The following KCTD19 variants were observed in gnomAD, a reference collection of about 807,000 sequenced individuals.
The protein encoded by KCTD19 is potassium channel tetramerization domain containing 19, also known as BTB/POZ domain-containing protein KCTD19.
In KCTD19, 67 loss-of-function variants were observed where a neutral mutation model predicts 103.5. The observed-to-expected ratio is 0.65, with a 90% CI of 0.53 to 0.79. KCTD19 has a LOEUF of 0.79. Among genes scored for constraint, KCTD19 ranks in the 30% least tolerant of loss-of-function variants. The probability of loss-of-function intolerance (pLI) is 0.00; values close to 1 mark genes in which losing one functional copy is unlikely to be tolerated. For missense variants in KCTD19, 980 were observed against 1,136.1 expected, an observed-to-expected ratio of 0.86 and a Z score of 1.98; for synonymous variants, 439 against 452.2, an observed-to-expected ratio of 0.97 and a Z score of 0.37.
intron 2 of KCTD19, among the ~76,000 whole-genome samples, chr16:67,311,552 C>T (rs1386999914): frequency 4.6e-5 from 7 of 152,124 alleles, no homozygotes; most frequent in Non-Finnish European, 1.5e-5. Flanking sequence ...ATCCACCTGC[C>T]TCAGCCTCCC....
chr16:67,291,238 C>A, intron 14 of KCTD19, 71 bp downstream of exon 14: 1 of 1,549,754 alleles, frequency 6.5e-7, no homozygotes, highest in Non-Finnish European at 8.8e-7. Context: ...CCTTGCACCA[C>A]TTATTGTGGG....
Position 67,291,442 on chromosome 16 carries a change from G to A in KCTD19, c.2432C>T (p.Ser811Phe), listed in dbSNP as rs772849200. Reference sequence around the variant, plus strand: ...ATAAAACATCTCTTCCCAGGACAGAGAGAAACTCAGGAAAGTCACTTCTGT... The same window carrying A: ...ATAAAACATCTCTTCCCAGGACAGAAAGAAACTCAGGAAAGTCACTTCTGT... ...QPQEVTFLSF[S>F]LSWEEMFYAQ... The change falls in exon 14 of 16, where the codon TCT (serine) becomes TTT (phenylalanine). Residue 811 changes from serine (S) to phenylalanine (F), a missense_variant. Physicochemically the swap from Ser to Phe is radical, Grantham distance 155. Transcript: ENST00000304372. The A allele has an allele frequency of 3.1e-6, 5 of 1,614,080 alleles. No homozygotes were observed. Among genetic ancestry groups the A allele is most frequent in the Non-Finnish European group, 3.4e-6 (4 of 1,179,952 alleles).
chr16:67,291,544 T>TA, intron 13 of KCTD19, 81 bp from the exon 14 acceptor site: 1 of 1,406,546 alleles, frequency 7.1e-7, no homozygotes. Flanking sequence ...GGGAGAGGGG[T>TA]AGGGCCCCCA....
At position 67,300,934 on chromosome 16, in the gene KCTD19, A is replaced by G. The variant is rs952974236; in HGVS notation, c.775+857T>C. On this transcript the variant is annotated intron_variant, in intron 5 of 15. Transcript: ENST00000304372. This position sits in a 1 kb window ranked among gnomAD's most constrained non-coding sequence, Gnocchi z 4.5. ...GCTGAGATTACAGGCATCAGCCACC[A>G]GCGCCTGGCCAAGAGGATGGGTTTC... is the stretch of plus-strand genomic sequence containing the variant. 1 of 152,264 alleles carries G rather than the reference A, an allele frequency of 6.6e-6. No homozygotes were observed. Among genetic ancestry groups the G allele is most frequent in the Non-Finnish European group, 1.5e-5 (1 of 68,068 alleles). The allele number at this position is 152,264 out of a possible 1,614,324, so 9.4% of individuals were successfully genotyped here. A position where few individuals can be genotyped will look rare whatever the true frequency, so the allele number is the denominator to read the frequency against.
intron 4 of KCTD19, chr16:67,302,839 G>A (rs1291040147): frequency 2.7e-6 from 1 of 376,256 alleles, no homozygotes; most frequent in Admixed American, 4.8e-5. Flanking sequence ...GAAGCCGACT[G>A]GCAACCAGCT....
chr16:67,302,966 A>G (rs1422515398), intron 4 of KCTD19, 180 bp downstream of exon 4: 3 of 609,776 alleles, frequency 4.9e-6, no homozygotes, highest in Non-Finnish European at 8.6e-6. Context: ...GAGTCTAGTG[A>G]GATTCTAATG....
intron 2 of KCTD19, among the ~76,000 whole-genome samples, chr16:67,318,538 A>G (rs1487687270): frequency 6.8e-6 from 1 of 146,224 alleles, no homozygotes; most frequent in Non-Finnish European, 1.5e-5. Context: ...CCAGCCTGGG[A>G]CAGAGCAAGA....
intron 2 of KCTD19, among the ~76,000 whole-genome samples, chr16:67,305,056 G>A (rs1051730995): frequency 2.6e-5 from 4 of 152,202 alleles, no homozygotes; most frequent in Admixed American, 1.3e-4. Flanking sequence ...GATATTCAAA[G>A]TCCCAATGAT....
chr16:67,311,524 A>G (rs1485493874), intron 2 of KCTD19, among the ~76,000 whole-genome samples: 1 of 152,028 alleles, frequency 6.6e-6, no homozygotes, highest in East Asian at 1.9e-4. Flanking sequence ...GTTGGTCTCA[A>G]TCTCCTGACC....
rs1467261198 is a variant in KCTD19, at chr16:67,296,217, A to G, written c.1190T>C (p.Ile397Thr). Residue 397 changes from isoleucine (I) to threonine (T), a missense_variant, in exon 8 of 16, where the codon ATC (isoleucine) becomes ACC (threonine). Ile to Thr is a moderately conservative substitution (Grantham distance 89). Transcript: ENST00000304372. ...AEITVYSPQQ[I>T]IKVYVGSHWY... ...GTGGCTTCCAACATACACTTTGATG[A>G]TCTGTTGTGGGGAATACACAGTGAT... 1 of 1,613,670 alleles carries G rather than the reference A, an allele frequency of 6.2e-7. No individual in the cohort carries two copies. Among genetic ancestry groups the G allele is most frequent in the Non-Finnish European group, 8.5e-7 (1 of 1,179,684 alleles).
chr16:67,298,184 G>A (rs1421922694), intron 6 of KCTD19, among the ~76,000 whole-genome samples: 19 of 151,874 alleles, frequency 1.3e-4, no homozygotes, highest in Non-Finnish European at 1.9e-4. Flanking sequence ...TAGTAGAGAC[G>A]GGGTTTCACC....
Position 67,323,625 on chromosome 16 carries a change from CAT to C in KCTD19, c.4-2742_4-2741del, listed in dbSNP as rs1466511166. ...GGGAAAGAAGCCAAACAAAAAATCACATATGATTCCATCCACATGCAATGTGT... is the reference window on the plus strand; with the variant it reads ...GGGAAAGAAGCCAAACAAAAAATCACATGATTCCATCCACATGCAATGTGT... On this transcript the variant is annotated intron_variant, in intron 1 of 15. Transcript: ENST00000304372. This position sits in a 1 kb window ranked among gnomAD's most constrained non-coding sequence, Gnocchi z 4.1. 4.6e-5 allele frequency among the ~76,000 whole-genome samples: 7 copies of C among 152,186 alleles called. No individual in the cohort carries two copies. Among genetic ancestry groups the C allele is most frequent in the African/African-American group, 1.7e-4 (7 of 41,452 alleles).
In KCTD19 at chr16:67,290,173, T is replaced by C. The variant is rs922404964; in HGVS notation, c.2668-491A>G. 3.4e-3 allele frequency among the ~76,000 whole-genome samples: 437 copies of C among 129,892 alleles called. 3 individuals are homozygous for C. The highest frequency in any genetic ancestry group is 0.012 in the African/African-American group (413 of 34,440). 85.2% of individuals were successfully genotyped at this position (129,892 alleles called of 152,430 possible). On this transcript the variant is annotated intron_variant, in intron 15 of 15. Coordinates refer to ENST00000304372, the MANE Select transcript of KCTD19 (RefSeq NM_001100915.3). ...TGCCCTTACTGAATATTTTCTTTTTTTTTTTTTTTTTTTTTTTTTTTTGAG... is the reference window on the plus strand; with the variant it reads ...TGCCCTTACTGAATATTTTCTTTTTCTTTTTTTTTTTTTTTTTTTTTTGAG...
intron 2 of KCTD19, among the ~76,000 whole-genome samples, chr16:67,309,128 C>CAAAAAAAAAAA (rs60872060): frequency 1.3e-5 from 1 of 75,898 alleles, no homozygotes; most frequent in Non-Finnish European, 2.9e-5. Flanking sequence ...GACTTCAGCT[C>CAAAAAAAAAAA]AAAAAAAAAA....
chr16:67,311,048 G>C (rs938134803), intron 2 of KCTD19, among the ~76,000 whole-genome samples: 2 of 152,214 alleles, frequency 1.3e-5, no homozygotes, highest in Non-Finnish European at 2.9e-5. Flanking sequence ...ATAACACTGA[G>C]TGTTCTCTCA....
At position 67,294,057 on chromosome 16, in the gene KCTD19, G is replaced by T; in HGVS notation, c.1705C>A (p.Arg569=). 6.2e-7 allele frequency: 1 copy of T among 1,614,212 alleles called. No individual in the cohort carries two copies. Among genetic ancestry groups the T allele is most frequent in the Non-Finnish European group, 8.5e-7 (1 of 1,180,040 alleles). Reference sequence around the variant, plus strand: ...CGGCATAGGGACACCTGGATGGGCCGAGTGTACTGCTCAGCCTCATCCATC... The same window carrying T: ...CGGCATAGGGACACCTGGATGGGCCTAGTGTACTGCTCAGCCTCATCCATC... ...NQMDEAEQYT[R]PIQVSLCRNA... is the part of the protein sequence containing the mutation. Residue 569 remains arginine (R), a synonymous_variant, in exon 12 of 16, where the codon CGG becomes AGG. Coordinates refer to ENST00000304372, the MANE Select transcript of KCTD19 (RefSeq NM_001100915.3).
Position 67,297,532 on chromosome 16 carries a change from G to C in KCTD19, c.1118C>G (p.Pro373Arg), listed in dbSNP as rs1347142567. 4 of 1,613,940 alleles carry C rather than the reference G, an allele frequency of 2.5e-6. No homozygotes were observed. Among genetic ancestry groups the C allele is most frequent in the Non-Finnish European group, 3.4e-6 (4 of 1,180,016 alleles). The change falls in exon 7 of 16, where the codon CCA (proline) becomes CGA (arginine). Residue 373 changes from proline (P) to arginine (R), a missense_variant. By Grantham distance (103) the Pro-to-Arg change is moderately radical. Transcript: ENST00000304372. ...CACATCCATGGGTGCCAAAGTCCTT[G>C]GCTCCAGATGAGTCTTCAAAGCAAC... ...IKVALKTHLE[P>R]RTLAPMDVLN...
At chr16:67,314,707 C>G (rs1388451675) in intron 2 of KCTD19, among the ~76,000 whole-genome samples, 1 of 151,058 alleles carries the variant, frequency 6.6e-6, no homozygotes, top group Non-Finnish European at 1.5e-5. Flanking sequence ...CATGAGCCAC[C>G]GCACCCAGCT....
At chr16:67,326,610 C>T (rs1447127899) in intron 1 of KCTD19, 95 bp downstream of exon 1, 1 of 1,507,120 alleles carries the variant, frequency 6.6e-7, no homozygotes, top group Non-Finnish European at 8.9e-7. Flanking sequence ...GCCCCAGAGC[C>T]AGGTCTCGAA....
Sources: gnomAD v4.1 joint callset for allele counts (sites outside exome capture counted in the v4.1 genomes callset) on GRCh38, gnomAD v4.1.1 for gene constraint, Gnocchi (gnomAD v3.1) non-coding constraint, MANE v1.5 for transcripts, NCBI Gene and HGNC (gene_info 2026-07-23, HGNC 2026-07-21) for gene names.